TMEM242: variants seen among roughly 807,000 people sequenced by gnomAD.
TMEM242 encodes the protein UPF0463 transmembrane protein C6orf35.
In TMEM242, 10 loss-of-function variants were observed where a neutral mutation model predicts 18.2. That is an observed-to-expected ratio of 0.55 (90% CI 0.34 to 0.93). The LOEUF is 0.93. Ranked by LOEUF, TMEM242 falls within the 40% of genes least tolerant of loss-of-function variation. TMEM242 has a pLI of 0.02. For synonymous variants in TMEM242, 57 were observed against 69.9 expected, an observed-to-expected ratio of 0.81 and a Z score of 0.92; for missense variants, 186 against 175.5, an observed-to-expected ratio of 1.06 and a Z score of -0.34.
chr6:157,310,836 T>C (rs1554248470), intron 3 of TMEM242, among the ~76,000 whole-genome samples: 8,396 of 126,646 alleles, frequency 0.066, no homozygotes, highest in East Asian at 0.18. Context: ...GGCCTCATCA[T>C]AGTGTCCCAG....
intron 3 of TMEM242, among the ~76,000 whole-genome samples, chr6:157,293,278 A>G (rs1192599588): frequency 1.3e-5 from 2 of 152,086 alleles, no homozygotes; most frequent in African/African-American, 4.8e-5. Context: ...GCTACTCGGG[A>G]GGCTGAGGTG....
chr6:157,292,764 T>C lies in TMEM242; in HGVS notation c.*137A>G, dbSNP rs1777700523. 3 of 670,000 alleles carry C rather than the reference T, an allele frequency of 4.5e-6. No homozygotes were observed. The highest frequency in any genetic ancestry group is 7.9e-6 in the Non-Finnish European group (3 of 381,208). 41.5% of individuals were successfully genotyped at this position (670,000 alleles called of 1,614,324 possible). ...CATACTCTCCTGTGATGAGGCTGAA[T>C]GCTATCCAGTGCACTGGTTCAGTCA... On this transcript the variant is annotated 3_prime_UTR_variant, in exon 4 of 4. Coordinates refer to ENST00000400788, the MANE Select transcript of TMEM242 (RefSeq NM_018452.6).
At chr6:157,321,251 G>A (rs782533670) in intron 2 of TMEM242, among the ~76,000 whole-genome samples, 9 of 151,872 alleles carry the variant, frequency 5.9e-5, no homozygotes, top group African/African-American at 7.3e-5. Context: ...CTCATGATCC[G>A]CCCGCCTTGG....
Position 157,319,496 on chromosome 6 carries a change from CT to C in TMEM242, c.190-578del, listed in dbSNP as rs1392124456. ...ACCAAAGAAGCTCAAGAGTAAATTACTTCGCCACTTTTAGCTTGCACCTTCC... is the reference window on the plus strand; with the variant it reads ...ACCAAAGAAGCTCAAGAGTAAATTACTCGCCACTTTTAGCTTGCACCTTCC... On this transcript the variant is annotated intron_variant, in intron 2 of 3. Transcript: ENST00000400788. Among the ~76,000 whole-genome samples the C allele has an allele frequency of 1.8e-4, 28 of 152,326 alleles. 1 individual carries two copies. The highest frequency in any genetic ancestry group is 6.5e-4 in the African/African-American group (27 of 41,574).
rs1777653606 is a variant in TMEM242 at position 157,289,328 on chromosome 6, T to C, written c.*3573A>G. 6.6e-6 allele frequency: 1 copy of C among 152,222 alleles called. No individual in the cohort carries two copies. Among genetic ancestry groups the C allele is most frequent in the South Asian group, 2.1e-4 (1 of 4,834 alleles). 9.4% of individuals were successfully genotyped at this position (152,222 alleles called of 1,614,324 possible). On this transcript the variant is annotated 3_prime_UTR_variant, in exon 4 of 4. Coordinates refer to ENST00000400788, the MANE Select transcript of TMEM242 (RefSeq NM_018452.6). Reference sequence around the variant, plus strand: ...GAGAGATGCTTGCTTTCCTCTTCTATGCTCACAAAATCGCAGCCTTGGGCA... The same window carrying C: ...GAGAGATGCTTGCTTTCCTCTTCTACGCTCACAAAATCGCAGCCTTGGGCA...
chr6:157,308,580 T>C (rs1171853016), intron 3 of TMEM242, among the ~76,000 whole-genome samples: 2 of 152,350 alleles, frequency 1.3e-5, no homozygotes, highest in Non-Finnish European at 2.9e-5. Flanking sequence ...TTTTACTTTT[T>C]GTTTTTTAAA....
rs1408510811 is a variant in TMEM242 at position 157,299,453 on chromosome 6, T to C, written c.328-6454A>G. On this transcript the variant is annotated intron_variant, in intron 3 of 3. Coordinates refer to ENST00000400788, the MANE Select transcript of TMEM242 (RefSeq NM_018452.6). Reference sequence around the variant, plus strand: ...TCCATGCTCTCCTAGGATCCATCCGTGGCAGTTTTCAGAGTGGATACCAAG... The same window carrying C: ...TCCATGCTCTCCTAGGATCCATCCGCGGCAGTTTTCAGAGTGGATACCAAG... The C allele has an allele frequency of 8.8e-6, 12 of 1,359,830 alleles. 1 individual carries two copies. The highest frequency in any genetic ancestry group is 8.4e-5 in the Admixed American group (5 of 59,198). The allele number at this position is 1,359,830 out of a possible 1,614,324, so 84.2% of individuals were successfully genotyped here. A position where few individuals can be genotyped will look rare whatever the true frequency, so the allele number is the denominator to read the frequency against.
intron 2 of TMEM242, 95 bp downstream of exon 2, chr6:157,322,610 T>C: frequency 1.0e-6 from 1 of 995,060 alleles, no homozygotes; most frequent in Non-Finnish European, 1.5e-6. Flanking sequence ...CTTAAAGCAA[T>C]GTGAAAGACC....
At chr6:157,302,756 C>T (rs1777848179) in intron 3 of TMEM242, among the ~76,000 whole-genome samples, 1 of 152,208 alleles carries the variant, frequency 6.6e-6, no homozygotes, top group Admixed American at 6.5e-5. Context: ...ATTATTCCTT[C>T]TGAATTGAAA....
Position 157,299,437 on chromosome 6 carries a change from T to C in TMEM242, c.328-6438A>G, listed in dbSNP as rs745416464. On this transcript the variant is annotated intron_variant, in intron 3 of 3. Coordinates refer to ENST00000400788, the MANE Select transcript of TMEM242 (RefSeq NM_018452.6). ...CAGGAACACTTGAGTCTCCATGCTC[T>C]CCTAGGATCCATCCGTGGCAGTTTT... is the stretch of plus-strand genomic sequence containing the variant. 958 of 1,338,786 alleles carry C rather than the reference T, an allele frequency of 7.2e-4. 1 individual carries two copies. The highest frequency in any genetic ancestry group is 9.1e-4 in the Non-Finnish European group (850 of 930,840). The allele number at this position is 1,338,786 out of a possible 1,614,324, so 82.9% of individuals were successfully genotyped here.
intron 3 of TMEM242, among the ~76,000 whole-genome samples, chr6:157,308,251 C>T (rs782298560): frequency 1.2e-4 from 18 of 152,146 alleles, no homozygotes; most frequent in Non-Finnish European, 2.2e-4. Context: ...CAGGAATAAA[C>T]GTACTGATAA....
chr6:157,299,390 G>C (rs587718860), intron 3 of TMEM242: 26 of 1,217,720 alleles, frequency 2.1e-5, no homozygotes, highest in Non-Finnish European at 3.0e-5. Context: ...AGCGACACCA[G>C]CTATGTTCAC....
At chr6:157,303,244 T>C (rs1432146165) in intron 3 of TMEM242, among the ~76,000 whole-genome samples, 2 of 152,136 alleles carry the variant, frequency 1.3e-5, no homozygotes, top group African/African-American at 4.8e-5. Context: ...TGAGGAACTG[T>C]AGAGCTGAGT....
intron 3 of TMEM242, among the ~76,000 whole-genome samples, chr6:157,309,883 G>A (rs1777970945): frequency 6.6e-6 from 1 of 151,642 alleles, no homozygotes. Context: ...TAAATTATCT[G>A]TAAATTCCTA....
chr6:157,294,272 T>C (rs1337866177), intron 3 of TMEM242, among the ~76,000 whole-genome samples: 1 of 152,164 alleles, frequency 6.6e-6, no homozygotes, highest in African/African-American at 2.4e-5. Context: ...GCCAGTCATA[T>C]TTTCCTAAGG....
chr6:157,301,414 C>T (rs1241411504), intron 3 of TMEM242, among the ~76,000 whole-genome samples: 1 of 152,026 alleles, frequency 6.6e-6, no homozygotes, highest in Admixed American at 6.5e-5. Context: ...CAGGTTCAAG[C>T]CATTCTCCTG....
chr6:157,316,812 G>A (rs1256667084), intron 3 of TMEM242, among the ~76,000 whole-genome samples: 2 of 152,198 alleles, frequency 1.3e-5, no homozygotes, highest in Non-Finnish European at 2.9e-5. Flanking sequence ...GGAGGCTGCA[G>A]TGAGCTGAGG....
rs1385022048 is a variant in TMEM242, at chr6:157,323,515, A to G, written c.-16T>C. The G allele has an allele frequency of 1.2e-6, 2 of 1,608,654 alleles. No homozygotes were observed. Among genetic ancestry groups the G allele is most frequent in the African/African-American group, 2.7e-5 (2 of 74,812 alleles). On this transcript the variant is annotated 5_prime_UTR_variant, in exon 1 of 4. Transcript: ENST00000400788. ...CTGTCTCCATGTTTAGGTCGCCTCT[A>G]GTGCGTCCGTCCCCAACTGGGCCCG... is the stretch of plus-strand genomic sequence containing the variant.
At chr6:157,300,556 C>T (rs1389701660) in intron 3 of TMEM242, among the ~76,000 whole-genome samples, 6 of 152,208 alleles carry the variant, frequency 3.9e-5, no homozygotes, top group African/African-American at 1.4e-4. Context: ...GCTTTGCATA[C>T]GGGTGGTTGC....
Sources: gnomAD v4.1 joint callset for allele counts (sites outside exome capture counted in the v4.1 genomes callset) on GRCh38, gnomAD v4.1.1 for gene constraint, MANE v1.5 for transcripts, NCBI Gene and HGNC (gene_info 2026-07-23, HGNC 2026-07-21) for gene names.